Variants in CACNA2D4 observed in about 807,000 individuals in gnomAD.
CACNA2D4 encodes calcium voltage-gated channel auxiliary subunit alpha2delta 4.
CACNA2D4 carries 157 observed loss-of-function variants against 163.8 expected under a neutral mutation model. The observed-to-expected ratio is 0.96, with a 90% CI of 0.84 to 1.09. The LOEUF (loss-of-function observed/expected upper bound fraction) is 1.09, where lower values mean the gene tolerates loss of function less well. CACNA2D4 is among the 50% of genes least tolerant of loss of function. CACNA2D4 has a pLI of 0.00. For synonymous variants in CACNA2D4, 598 were observed against 586.9 expected (o/e 1.02, Z -0.27); for missense variants, 1,410 against 1,479.9 (o/e 0.95, Z 0.78).
chr12:1,815,833 C>T (rs530487307), intron 26 of CACNA2D4, among the ~76,000 whole-genome samples: 14 of 152,194 alleles, frequency 9.2e-5, no homozygotes, highest in African/African-American at 2.2e-4. Flanking sequence ...TTGAAGACTT[C>T]GGAGGCAATC....
At position 1,796,810 on chromosome 12, in the gene CACNA2D4, C is replaced by T. The variant is rs958701502; in HGVS notation, c.3113+608G>A. Among the ~76,000 whole-genome samples, 12 of 152,304 alleles carry T rather than the reference C, an allele frequency of 7.9e-5. No individual in the cohort carries two copies. In the East Asian group the frequency reaches 2.3e-3, roughly 30 times the overall value. On this transcript the variant is annotated intron_variant, in intron 35 of 37. Coordinates refer to ENST00000382722, the MANE Select transcript of CACNA2D4 (RefSeq NM_172364.5). Reference sequence around the variant, plus strand: ...CGCATTCCCAGCGTGGGGGTCCTCCCGGGCTTGGGTGCGGGGGGTCAGCAG... The same window carrying T: ...CGCATTCCCAGCGTGGGGGTCCTCCTGGGCTTGGGTGCGGGGGGTCAGCAG...
intron 3 of CACNA2D4, 142 bp downstream of exon 3, chr12:1,912,881 C>T (rs754669867): frequency 2.3e-5 from 14 of 600,614 alleles, no homozygotes; most frequent in Non-Finnish European, 3.6e-5. Flanking sequence ...TTTTGGCTAA[C>T]GAAGGTACAA....
Position 1,835,720 on chromosome 12 carries a change from G to T in CACNA2D4, c.2551+5019C>A, listed in dbSNP as rs138747752. 972 of 152,806 alleles carry T rather than the reference G, an allele frequency of 6.4e-3. 3 individuals are homozygous for T. Among genetic ancestry groups the T allele is most frequent in the Non-Finnish European group, 8.5e-3 (578 of 68,100 alleles). The allele number at this position is 152,806 out of a possible 1,614,324, so 9.5% of individuals were successfully genotyped here. Reference sequence around the variant, plus strand: ...CCGGGATACCACCCAGGGGCCTGGAGCGGCTGCATGTGTGCATGGCGGCCT... The same window carrying T: ...CCGGGATACCACCCAGGGGCCTGGATCGGCTGCATGTGTGCATGGCGGCCT... On this transcript the variant is annotated intron_variant, in intron 26 of 37. Coordinates refer to ENST00000382722, the MANE Select transcript of CACNA2D4 (RefSeq NM_172364.5).
intron 6 of CACNA2D4, among the ~76,000 whole-genome samples, chr12:1,901,882 A>G (rs1036658578): frequency 6.6e-6 from 1 of 152,060 alleles, no homozygotes; most frequent in African/African-American, 2.4e-5. Context: ...CTGAAACCCA[A>G]CAAAGACATA....
chr12:1,890,109 C>T (rs1418188623), intron 6 of CACNA2D4, among the ~76,000 whole-genome samples: 1 of 152,176 alleles, frequency 6.6e-6, no homozygotes, highest in African/African-American at 2.4e-5. Context: ...CACATTCCCA[C>T]CATGGATTCC....
intron 29 of CACNA2D4, 23 bp from the exon 30 acceptor site, chr12:1,801,667 AGAGAGGGAGG>A: frequency 6.5e-7 from 1 of 1,534,660 alleles, no homozygotes; most frequent in Non-Finnish European, 8.9e-7. Flanking sequence ...GACAGCAGAG[AGAGAGGGAGG>A]GAGAGAGATG....
chr12:1,898,709 A>C (rs1240624232), intron 6 of CACNA2D4, among the ~76,000 whole-genome samples: 1 of 148,066 alleles, frequency 6.8e-6, no homozygotes, highest in Non-Finnish European at 1.5e-5. Flanking sequence ...GTATGTGTAC[A>C]TATATATGTA....
intron 34 of CACNA2D4, 75 bp from the exon 35 acceptor site, chr12:1,797,610 G>A (rs1863173994): frequency 2.7e-6 from 3 of 1,101,844 alleles, no homozygotes; most frequent in Non-Finnish European, 4.0e-6. Context: ...GCACTCCCAG[G>A]GCCAGAGTTC....
In CACNA2D4 at chr12:1,844,341, G is replaced by A; in HGVS notation, c.2470+61C>T. ...CCATTTCCCACTAAGAGCACAGCAGGAGGAGAGATGAGACTGGCCTGAGAC... is the reference window on the plus strand; with the variant it reads ...CCATTTCCCACTAAGAGCACAGCAGAAGGAGAGATGAGACTGGCCTGAGAC... On this transcript the variant is annotated intron_variant, in intron 25 of 37. Coordinates refer to ENST00000382722, the MANE Select transcript of CACNA2D4 (RefSeq NM_172364.5). This position sits in a 1 kb window ranked among gnomAD's most constrained non-coding sequence, Gnocchi z 4.2. The A allele has an allele frequency of 1.9e-6, 3 of 1,584,452 alleles. No individual in the cohort carries two copies. The highest frequency in any genetic ancestry group is 2.3e-5 in the South Asian group (2 of 88,222).
chr12:1,915,739 A>G (rs896598574), intron 1 of CACNA2D4, among the ~76,000 whole-genome samples: 1 of 152,084 alleles, frequency 6.6e-6, no homozygotes, highest in Admixed American at 6.5e-5. Context: ...CCACAATCCC[A>G]CCATCTTGGC....
intron 26 of CACNA2D4, among the ~76,000 whole-genome samples, chr12:1,825,579 T>G (rs1864279747): frequency 6.6e-6 from 1 of 152,158 alleles, no homozygotes; most frequent in Admixed American, 6.5e-5. Flanking sequence ...AGTGCTGGAG[T>G]GCTGCCAGCC....
At chr12:1,816,743 T>C (rs1001496645) in intron 26 of CACNA2D4, among the ~76,000 whole-genome samples, 3 of 152,204 alleles carry the variant, frequency 2.0e-5, no homozygotes, top group South Asian at 2.1e-4. Context: ...CAACTGTGCA[T>C]GCACACACAC....
intron 29 of CACNA2D4, among the ~76,000 whole-genome samples, chr12:1,805,284 C>T (rs1174240500): frequency 2.0e-5 from 3 of 152,120 alleles, no homozygotes; most frequent in South Asian, 2.1e-4. Flanking sequence ...CAGAGGCAGG[C>T]GACCAAGTGA....
At chr12:1,862,288 T>A (rs1199128493) in intron 18 of CACNA2D4, among the ~76,000 whole-genome samples, 1 of 152,220 alleles carries the variant, frequency 6.6e-6, no homozygotes, top group African/African-American at 2.4e-5. Context: ...ATAAGACAAC[T>A]GCCAATTTCC....
rs201325274 is a variant in CACNA2D4, at chr12:1,800,416, G to A, written c.2891C>T (p.Ala964Val). Residue 964 changes from alanine to valine, a missense_variant, in exon 32 of 38, where the codon GCG becomes GTG. Ala to Val is a moderately conservative substitution (Grantham distance 64). Transcript: ENST00000382722. ...CAGCTCCTGCAGCAGCCACCTGGTC[G>A]CCGTCAAGAAGGCAGAAATTGGCTG... The part of the protein sequence containing the change: ...LVSPISAFLT[A>V]TRWLLQELVL... 1,086 of 1,613,826 alleles carry A rather than the reference G, an allele frequency of 6.7e-4. 3 individuals are homozygous for A. Among genetic ancestry groups the A allele is most frequent in the African/African-American group, 6.5e-3 (489 of 74,980 alleles).
In CACNA2D4 at chr12:1,851,102, T is replaced by C. The variant is rs113420506; in HGVS notation, c.2246+2849A>G. ...CTTGTCATTTTTCACAGGCTGGTCT[T>C]GAACTTTCAGGCTAAAGTGATCCTC... On this transcript the variant is annotated intron_variant, in intron 23 of 37. Coordinates refer to ENST00000382722, the MANE Select transcript of CACNA2D4 (RefSeq NM_172364.5). Among the ~76,000 whole-genome samples, 278 of 152,288 alleles carry C rather than the reference T, an allele frequency of 1.8e-3. 2 individuals are homozygous for C. Among genetic ancestry groups the C allele is most frequent in the African/African-American group, 6.6e-3 (273 of 41,568 alleles).
chr12:1,800,049 G>A lies in CACNA2D4; in HGVS notation c.2925C>T (p.Phe975=). The A allele has an allele frequency of 6.3e-7, 1 of 1,599,694 alleles. No homozygotes were observed. The highest frequency in any genetic ancestry group is 8.5e-7 in the Non-Finnish European group (1 of 1,173,368). The change falls in exon 33 of 38, where the codon TTC becomes TTT. Residue 975 remains phenylalanine, a synonymous_variant. Coordinates refer to ENST00000382722, the MANE Select transcript of CACNA2D4 (RefSeq NM_172364.5). ...AGCCCCAGACACTCCACTCCAGCAG[G>A]AACCTGTCAGACACAGGACTGAATC... is the stretch of plus-strand genomic sequence containing the variant. ...TRWLLQELVL[F]LLEWSVWGSW...
chr12:1,918,040 AG>A, intron 1 of CACNA2D4: 3 of 546,530 alleles, frequency 5.5e-6, no homozygotes, highest in Non-Finnish European at 9.6e-6. Context: ...GTGGGACTCC[AG>A]AACTCACAGA....
intron 6 of CACNA2D4, among the ~76,000 whole-genome samples, chr12:1,904,997 C>T (rs2154451714): frequency 6.6e-6 from 1 of 152,030 alleles, no homozygotes; most frequent in South Asian, 2.1e-4. Context: ...ATCTCAGGAG[C>T]ATATTAAAAG....
Sources: gnomAD v4.1 joint callset for allele counts (sites outside exome capture counted in the v4.1 genomes callset) on GRCh38, gnomAD v4.1.1 for gene constraint, Gnocchi (gnomAD v3.1) non-coding constraint, MANE v1.5 for transcripts, NCBI Gene and HGNC (gene_info 2026-07-23, HGNC 2026-07-21) for gene names.